Variants in SMYD3 observed in about 807,000 individuals in gnomAD.
The protein encoded by SMYD3 is histone-lysine N-methyltransferase SMYD3.
Under a neutral mutation model 57.7 loss-of-function variants are expected in SMYD3, and 36 were observed. The ratio of observed to expected loss-of-function variants is 0.62; its 90% CI spans 0.48 to 0.82. The LOEUF is 0.82. SMYD3 is among the 40% of genes least tolerant of loss of function. SMYD3 has a pLI of 0.00. For synonymous variants in SMYD3, 211 were observed against 195.0 expected, an observed-to-expected ratio of 1.08 and a Z score of -0.68; for missense variants, 515 against 538.8, an observed-to-expected ratio of 0.96 and a Z score of 0.44.
At chr1:246,242,717 G>A (rs969102630) in intron 5 of SMYD3, among the ~76,000 whole-genome samples, 1 of 151,976 alleles carries the variant, frequency 6.6e-6, no homozygotes, top group African/African-American at 2.4e-5. Flanking sequence ...CATGTACAGA[G>A]AGACATACAT....
chr1:246,449,750 A>AG (rs11388277), intron 1 of SMYD3, among the ~76,000 whole-genome samples: 79,498 of 151,972 alleles, frequency 0.52, 21,344 homozygotes, highest in Middle Eastern at 0.68. Flanking sequence ...CCTGACACAG[A>AG]GAAGTGTCAA....
intron 5 of SMYD3, among the ~76,000 whole-genome samples, chr1:246,206,957 C>T (rs987118293): frequency 3.3e-5 from 5 of 152,150 alleles, no homozygotes; most frequent in South Asian, 2.1e-4. Flanking sequence ...ACTGATTCAC[C>T]GAAAGTGATG....
intron 5 of SMYD3, among the ~76,000 whole-genome samples, chr1:246,250,998 T>G (rs1041435599): frequency 6.6e-6 from 1 of 152,240 alleles, no homozygotes; most frequent in Non-Finnish European, 1.5e-5. Context: ...GTGTATATAT[T>G]TATGGGCTAT....
At chr1:246,147,781 G>A (rs1014743876) in intron 5 of SMYD3, among the ~76,000 whole-genome samples, 39 of 152,202 alleles carry the variant, frequency 2.6e-4, no homozygotes, top group African/African-American at 8.9e-4. Flanking sequence ...TGGGCTTCGC[G>A]CTCAATCGAG....
chr1:246,084,356 C>T (rs969113338), intron 5 of SMYD3, among the ~76,000 whole-genome samples: 1 of 152,058 alleles, frequency 6.6e-6, no homozygotes, highest in Non-Finnish European at 1.5e-5. Flanking sequence ...GCTGGGACTA[C>T]AGGCATGCAC....
chr1:246,502,086 C>G (rs1028373881), intron 1 of SMYD3, among the ~76,000 whole-genome samples: 4 of 151,836 alleles, frequency 2.6e-5, no homozygotes, highest in South Asian at 2.1e-4. Flanking sequence ...AGTTATTACC[C>G]TTTATTGCCT....
intron 1 of SMYD3, among the ~76,000 whole-genome samples, chr1:246,418,162 G>A (rs1428967973): frequency 6.6e-6 from 1 of 152,148 alleles, no homozygotes; most frequent in Non-Finnish European, 1.5e-5. Context: ...AGCCAGAGGG[G>A]GAGGAAAAAT....
intron 1 of SMYD3, among the ~76,000 whole-genome samples, chr1:246,382,111 C>T (rs1050830060): frequency 1.4e-4 from 21 of 151,348 alleles, no homozygotes; most frequent in African/African-American, 4.4e-4. Flanking sequence ...CTCCAGCTGA[C>T]ACCTATGGGA....
At chr1:246,245,693 A>G (rs2063692567) in intron 5 of SMYD3, among the ~76,000 whole-genome samples, 1 of 152,218 alleles carries the variant, frequency 6.6e-6, no homozygotes. Context: ...TGTGATTATG[A>G]ATAAGCCTTA....
chr1:246,347,880 C>T (rs897809020), intron 2 of SMYD3, among the ~76,000 whole-genome samples: 5 of 151,806 alleles, frequency 3.3e-5, no homozygotes, highest in African/African-American at 1.2e-4. Context: ...GAGACTTGAA[C>T]TAAGTCTTGA....
At chr1:245,873,487 G>A (rs963156960) in intron 8 of SMYD3, among the ~76,000 whole-genome samples, 3 of 152,186 alleles carry the variant, frequency 2.0e-5, no homozygotes, top group African/African-American at 4.8e-5. Flanking sequence ...TTGTTCTCCT[G>A]ACAATAGCCA....
intron 5 of SMYD3, among the ~76,000 whole-genome samples, chr1:246,165,120 A>G (rs559723499): frequency 6.6e-6 from 1 of 152,362 alleles, no homozygotes; most frequent in South Asian, 2.1e-4. Context: ...TCCACAGGAC[A>G]CATGAAGTTA....
At chr1:245,946,645 G>C (rs1214175084) in intron 5 of SMYD3, among the ~76,000 whole-genome samples, 1 of 152,184 alleles carries the variant, frequency 6.6e-6, no homozygotes, top group Non-Finnish European at 1.5e-5. Flanking sequence ...AAGGAAGTAC[G>C]TACAGGCAGA....
At chr1:246,013,827 T>C (rs994469141) in intron 5 of SMYD3, among the ~76,000 whole-genome samples, 1 of 152,194 alleles carries the variant, frequency 6.6e-6, no homozygotes, top group Admixed American at 6.5e-5. Context: ...CCCTGTCACA[T>C]AGCATCAAAC....
intron 1 of SMYD3, among the ~76,000 whole-genome samples, chr1:246,359,501 G>A (rs535836139): frequency 6.6e-6 from 1 of 152,160 alleles, no homozygotes; most frequent in South Asian, 2.1e-4. Context: ...ACCAGGGAAG[G>A]AGTTAACAAA....
chr1:246,339,754 G>A (rs2065601754), intron 2 of SMYD3, among the ~76,000 whole-genome samples: 2 of 152,202 alleles, frequency 1.3e-5, no homozygotes, highest in South Asian at 4.1e-4. Context: ...CAGTAGCACA[G>A]CGCTCACGAA....
intron 5 of SMYD3, among the ~76,000 whole-genome samples, chr1:246,198,132 A>C (rs1272567150): frequency 6.6e-6 from 1 of 152,174 alleles, no homozygotes; most frequent in African/African-American, 2.4e-5. Context: ...CCAGTAAGAG[A>C]AAAGAAGACA....
At chr1:246,067,631 C>T (rs888611026) in intron 5 of SMYD3, among the ~76,000 whole-genome samples, 4 of 152,088 alleles carry the variant, frequency 2.6e-5, no homozygotes, top group African/African-American at 4.8e-5. Flanking sequence ...AGCCTTGGGG[C>T]GCTCCAAGGA....
At chr1:246,143,598 G>T (rs2061797758) in intron 5 of SMYD3, among the ~76,000 whole-genome samples, 1 of 152,144 alleles carries the variant, frequency 6.6e-6, no homozygotes, top group Non-Finnish European at 1.5e-5. Flanking sequence ...AGCCCACGAG[G>T]TCAAGGCTGC....
Sources: gnomAD v4.1 joint callset for allele counts (sites outside exome capture counted in the v4.1 genomes callset) on GRCh38, gnomAD v4.1.1 for gene constraint, MANE v1.5 for transcripts, NCBI Gene and HGNC (gene_info 2026-07-23, HGNC 2026-07-21) for gene names.